Variants in SYNE1 observed in about 807,000 individuals in gnomAD.
SYNE1 encodes nesprin-1.
Under a neutral mutation model 1,111.0 loss-of-function variants are expected in SYNE1, and 616 were observed. The observed-to-expected ratio is 0.55, with a 90% CI of 0.52 to 0.59. SYNE1 has a LOEUF of 0.59. SYNE1 is among the 20% of genes least tolerant of loss of function. SYNE1 has a pLI of 0.00. For synonymous variants in SYNE1, 3,855 were observed against 3,825.8 expected (o/e 1.01, Z -0.28); for missense variants, 10,006 against 10,417.0 (o/e 0.96, Z 1.72).
At chr6:152,464,976 T>C in intron 18 of SYNE1, 1 of 468,782 alleles carries the variant, frequency 2.1e-6, no homozygotes, top group Admixed American at 3.5e-5. Flanking sequence ...AGGAAATCCA[T>C]GAAGGCTGGG....
At position 152,333,374 on chromosome 6, in the gene SYNE1, C is replaced by G. The variant is rs558199354; in HGVS notation, c.12794+634G>C. Among the ~76,000 whole-genome samples, 11 of 152,138 alleles carry G rather than the reference C, an allele frequency of 7.2e-5. No homozygotes were observed. In the South Asian group the frequency reaches 2.3e-3, roughly 32 times the overall value. ...TAAGAAACTAGGGAGCATATAGGTT[C>G]AAGAAGGATTCATTTCATGAATTCA... On this transcript the variant is annotated intron_variant, in intron 77 of 145. Coordinates refer to ENST00000367255, the MANE Select transcript of SYNE1 (RefSeq NM_182961.4).
At chr6:152,576,883 G>A (rs763503698) in intron 3 of SYNE1, among the ~76,000 whole-genome samples, 1 of 152,186 alleles carries the variant, frequency 6.6e-6, no homozygotes, top group Middle Eastern at 3.2e-3. Flanking sequence ...TTGACTTCAT[G>A]ATTGAGCACT....
In SYNE1 at chr6:152,214,992, T is replaced by C. The variant is rs900883985; in HGVS notation, c.22260A>G (p.Leu7420=). The C allele has an allele frequency of 2.5e-6, 4 of 1,614,006 alleles. No individual in the cohort carries two copies. Among genetic ancestry groups the C allele is most frequent in the Admixed American group, 1.7e-5 (1 of 60,000 alleles). The part of the protein sequence containing the change: ...LDRLNELGYR[L]PLNDKEIKRM... ...TTTTGATTTCCTTATCATTCAAGGG[T>C]AACCTATATCCAAGCTCATTTAGAC... is the stretch of plus-strand genomic sequence containing the variant. Residue 7420 remains leucine (L), a synonymous_variant, in exon 122 of 146, where the codon TTA becomes TTG. Transcript: ENST00000367255.
intron 124 of SYNE1, among the ~76,000 whole-genome samples, chr6:152,210,580 T>A (rs1272821463): frequency 6.6e-6 from 1 of 152,114 alleles, no homozygotes; most frequent in Non-Finnish European, 1.5e-5. Context: ...TTCTACAACA[T>A]TAAAGACAAA....
intron 86 of SYNE1, 103 bp downstream of exon 86, chr6:152,317,978 C>T: frequency 6.8e-7 from 1 of 1,476,750 alleles, no homozygotes. Flanking sequence ...CTCTCATTGT[C>T]CATTTTATCT....
At chr6:152,387,608 T>C (rs2097544136) in intron 53 of SYNE1, among the ~76,000 whole-genome samples, 1 of 152,134 alleles carries the variant, frequency 6.6e-6, no homozygotes, top group South Asian at 2.1e-4. Context: ...AAATAAGAAG[T>C]TGTGGTCATA....
intron 3 of SYNE1, among the ~76,000 whole-genome samples, chr6:152,605,084 GGA>G (rs2099611138): frequency 1.8e-5 from 1 of 56,904 alleles, no homozygotes; most frequent in Non-Finnish European, 3.7e-5. Context: ...AAAGAAGGAA[GGA>G]AGGAAGGAAG....
intron 22 of SYNE1, among the ~76,000 whole-genome samples, chr6:152,457,249 A>G (rs1171311752): frequency 2.6e-5 from 4 of 152,180 alleles, no homozygotes. Flanking sequence ...ATCTGCAATA[A>G]GCTTTACACT....
chr6:152,407,766 T>A (rs1424314638), intron 44 of SYNE1, among the ~76,000 whole-genome samples: 1 of 149,380 alleles, frequency 6.7e-6, no homozygotes, highest in Non-Finnish European at 1.5e-5. Context: ...AATGTTCTTT[T>A]TTTTTTTTTT....
chr6:152,532,236 G>A (rs1205803928), intron 4 of SYNE1, among the ~76,000 whole-genome samples: 1 of 152,082 alleles, frequency 6.6e-6, no homozygotes. Context: ...TAGATTTTCA[G>A]TATTAATAAT....
In SYNE1 at chr6:152,353,307, T is replaced by C. The variant is rs763472968; in HGVS notation, c.11209A>G (p.Lys3737Glu). The change falls in exon 69 of 146, where the codon AAA becomes GAA. Residue 3737 changes from lysine to glutamate, a missense_variant. Coordinates refer to ENST00000367255, the MANE Select transcript of SYNE1 (RefSeq NM_182961.4). ...NFKNVATKID[K>E]VDTVMMGKKL... Reference sequence around the variant, plus strand: ...TTCCCCATCATTACTGTATCTACTTTGTCAATCTTGGTAGCCACATTCTTG... The same window carrying C: ...TTCCCCATCATTACTGTATCTACTTCGTCAATCTTGGTAGCCACATTCTTG... 1.5e-5 allele frequency: 24 copies of C among 1,614,204 alleles called. No individual in the cohort carries two copies. Among genetic ancestry groups the C allele is most frequent in the South Asian group, 4.4e-5 (4 of 91,078 alleles).
In SYNE1 at chr6:152,185,837, G is replaced by A. The variant is rs186864020; in HGVS notation, c.23301+3415C>T. On this transcript the variant is annotated intron_variant, in intron 128 of 145. Transcript: ENST00000367255. ...TTACAACATATGAATGACTACTTTA[G>A]CAATTAATAATAGCAATAATTCCAT... Among the ~76,000 whole-genome samples the A allele has an allele frequency of 3.3e-5, 5 of 152,228 alleles. No individual in the cohort carries two copies. The East Asian group carries it at 7.7e-4, about 24-fold the overall frequency.
chr6:152,404,599 G>C (rs2097867013), intron 45 of SYNE1, among the ~76,000 whole-genome samples: 1 of 152,048 alleles, frequency 6.6e-6, no homozygotes, highest in Non-Finnish European at 1.5e-5. Context: ...CTGACCCAAA[G>C]TCTTGAGTCA....
At chr6:152,218,905 A>G (rs1201312581) in intron 120 of SYNE1, 98 bp downstream of exon 120, 1 of 1,250,270 alleles carries the variant, frequency 8.0e-7, no homozygotes, top group African/African-American at 1.5e-5. Context: ...GTCTTGAAGG[A>G]GGCATTGTTG....
intron 3 of SYNE1, among the ~76,000 whole-genome samples, chr6:152,627,597 G>C (rs2099688322): frequency 6.6e-6 from 1 of 152,096 alleles, no homozygotes; most frequent in Non-Finnish European, 1.5e-5. Flanking sequence ...ATGGAGGTTG[G>C]AGTGAGCCGA....
Position 152,365,016 on chromosome 6 carries a change from G to A in SYNE1, c.9976C>T (p.Leu3326=). ...TCTTTTTCCTGTTTGACTGATAATAGAGCCTGTGAAAACACATACAGAAGT... is the reference window on the plus strand; with the variant it reads ...TCTTTTTCCTGTTTGACTGATAATAAAGCCTGTGAAAACACATACAGAAGT... ...LDSRTLKLEA[L]LSVKQEKEIQ... is the part of the protein sequence containing the mutation. Residue 3326 remains leucine, a synonymous_variant, in exon 63 of 146, where the codon CTA becomes TTA. Transcript: ENST00000367255. 1 of 1,614,194 alleles carries A rather than the reference G, an allele frequency of 6.2e-7. No individual in the cohort carries two copies. Among genetic ancestry groups the A allele is most frequent in the Non-Finnish European group, 8.5e-7 (1 of 1,180,036 alleles).
intron 38 of SYNE1, 65 bp downstream of exon 38, chr6:152,427,628 T>C: frequency 6.3e-7 from 1 of 1,582,760 alleles, no homozygotes; most frequent in South Asian, 1.1e-5. Context: ...TTTTATTATT[T>C]TAAATAATGT....
Position 152,293,986 on chromosome 6 carries a change from G to A in SYNE1, c.17824C>T (p.Arg5942Cys), listed in dbSNP as rs770337064. 1.1e-5 allele frequency: 18 copies of A among 1,613,926 alleles called. No homozygotes were observed. The highest frequency in any genetic ancestry group is 4.5e-5 in the East Asian group (2 of 44,902). ...SATAKLGDLQ[R>C]SWETLKNVIS... is the part of the protein sequence containing the mutation. ...ACATTCTTTAAGGTTTCCCAAGAAC[G>A]CTGCAAATCACCCAGTTTGGCAGTA... Residue 5942 changes from arginine (R) to cysteine (C), a missense_variant, in exon 94 of 146, where the codon CGT (arginine) becomes TGT (cysteine). Around this residue, in one of 7 missense-constraint regions of SYNE1, gnomAD observed 4,955 missense variants for 5,017.2 expected, o/e 0.99. Coordinates refer to ENST00000367255, the MANE Select transcript of SYNE1 (RefSeq NM_182961.4).
chr6:152,291,776 G>A (rs1407453858), intron 95 of SYNE1, among the ~76,000 whole-genome samples: 2 of 152,200 alleles, frequency 1.3e-5, no homozygotes, highest in Non-Finnish European at 2.9e-5. Flanking sequence ...GAGATGTCCT[G>A]AAGCTGGAGA....
Sources: allele counts gnomAD v4.1 joint callset (sites outside exome capture counted in the v4.1 genomes callset), GRCh38; gene constraint gnomAD v4.1.1; regional missense constraint gnomAD v4.1.1; transcripts MANE v1.5; gene names NCBI Gene and HGNC (gene_info 2026-07-23, HGNC 2026-07-21).